The following PPARGC1B variants were observed in gnomAD, a reference collection of about 807,000 sequenced individuals.
PPARGC1B encodes PPARG coactivator 1 beta.
A neutral mutation model predicts 101.6 loss-of-function variants in PPARGC1B; 34 were observed. That is an observed-to-expected ratio of 0.33 (90% CI 0.25 to 0.45). The LOEUF is 0.45. PPARGC1B is among the 20% of genes least tolerant of loss of function. PPARGC1B has a pLI of 1.00. For missense variants in PPARGC1B, 1,234 were observed against 1,317.6 expected (o/e 0.94, Z 0.98); for synonymous variants, 548 against 539.3 (o/e 1.02, Z -0.22).
intron 1 of PPARGC1B, among the ~76,000 whole-genome samples, chr5:149,763,524 T>C (rs1755789097): frequency 7.9e-6 from 1 of 126,202 alleles, no homozygotes; most frequent in Non-Finnish European, 1.6e-5. Context: ...CATTCACTCC[T>C]GGTTTTTTTT....
chr5:149,806,567 A>G (rs1757606682), intron 1 of PPARGC1B, among the ~76,000 whole-genome samples: 1 of 151,188 alleles, frequency 6.6e-6, no homozygotes, highest in Non-Finnish European at 1.5e-5. Context: ...ACACCTCCAG[A>G]TGGAGTGTGT....
At chr5:149,754,604 T>C (rs1027786360) in intron 1 of PPARGC1B, among the ~76,000 whole-genome samples, 2 of 152,090 alleles carry the variant, frequency 1.3e-5, no homozygotes, top group East Asian at 3.9e-4. Flanking sequence ...CCTTAAACTT[T>C]ACAGCCAAGT....
chr5:149,762,300 A>G (rs987559353), intron 1 of PPARGC1B, among the ~76,000 whole-genome samples: 6 of 151,728 alleles, frequency 4.0e-5, no homozygotes, highest in African/African-American at 1.5e-4. Flanking sequence ...AGGCGCCACC[A>G]TGCCCGGCTA....
chr5:149,824,555 G>T (rs1017622314), intron 2 of PPARGC1B, among the ~76,000 whole-genome samples: 2 of 152,212 alleles, frequency 1.3e-5, no homozygotes, highest in Non-Finnish European at 2.9e-5. Flanking sequence ...GCAAGGCATA[G>T]AGGAGGGAAA....
chr5:149,758,186 G>A (rs760224177), intron 1 of PPARGC1B, among the ~76,000 whole-genome samples: 1 of 152,264 alleles, frequency 6.6e-6, no homozygotes, highest in Non-Finnish European at 1.5e-5. Context: ...TGGCCAACTC[G>A]TTGGTGTACT....
At chr5:149,766,379 A>C (rs981265190) in intron 1 of PPARGC1B, among the ~76,000 whole-genome samples, 1 of 152,194 alleles carries the variant, frequency 6.6e-6, no homozygotes, top group Non-Finnish European at 1.5e-5. Flanking sequence ...GTCTTTTTCT[A>C]GGGCAGACAG....
chr5:149,772,617 G>A (rs1756176215), intron 1 of PPARGC1B, among the ~76,000 whole-genome samples: 1 of 152,164 alleles, frequency 6.6e-6, no homozygotes, highest in African/African-American at 2.4e-5. Flanking sequence ...TCTTTGGTCT[G>A]TGTGTGCCTG....
intron 5 of PPARGC1B, among the ~76,000 whole-genome samples, chr5:149,834,243 G>A (rs1758950052): frequency 6.6e-6 from 1 of 152,228 alleles, no homozygotes; most frequent in African/African-American, 2.4e-5. Context: ...CAGATGAACA[G>A]ATTGTCCCTA....
rs1176683019 is a variant in PPARGC1B at position 149,850,596 on chromosome 5, G to A, written c.*3038G>A. On this transcript the variant is annotated 3_prime_UTR_variant, in exon 12 of 12. Transcript: ENST00000309241. ...AACTCCAAGGTCTATTCAGAAAAAC[G>A]AGTGAACCTTGGTCTCTTTCCCACC... 6.6e-6 allele frequency: 1 copy of A among 152,180 alleles called. No individual in the cohort carries two copies. The highest frequency in any genetic ancestry group is 1.5e-5 in the Non-Finnish European group (1 of 68,036). 9.4% of individuals were successfully genotyped at this position (152,180 alleles called of 1,614,324 possible). A position where few individuals can be genotyped will look rare whatever the true frequency, so the allele number is the denominator to read the frequency against.
chr5:149,775,341 C>T (rs566676548), intron 1 of PPARGC1B, among the ~76,000 whole-genome samples: 8 of 152,266 alleles, frequency 5.3e-5, no homozygotes, highest in East Asian at 3.9e-4. Flanking sequence ...GGACAGCTTC[C>T]GTGGCCCTGC....
At chr5:149,775,084 G>A (rs1477079043) in intron 1 of PPARGC1B, among the ~76,000 whole-genome samples, 1 of 152,102 alleles carries the variant, frequency 6.6e-6, no homozygotes. Context: ...GGCAGCTGAG[G>A]GTTGTGTAGG....
chr5:149,807,974 C>T (rs1172229565), intron 1 of PPARGC1B, among the ~76,000 whole-genome samples: 3 of 152,106 alleles, frequency 2.0e-5, no homozygotes, highest in Non-Finnish European at 4.4e-5. Context: ...AAAACTCAGT[C>T]GTCAAGATCA....
chr5:149,783,400 T>G (rs1200510321), intron 1 of PPARGC1B, among the ~76,000 whole-genome samples: 1 of 152,210 alleles, frequency 6.6e-6, no homozygotes, highest in African/African-American at 2.4e-5. Flanking sequence ...GGGGATTCTT[T>G]TGACCTTTTT....
At chr5:149,780,151 C>T (rs1039066272) in intron 1 of PPARGC1B, among the ~76,000 whole-genome samples, 3 of 152,162 alleles carry the variant, frequency 2.0e-5, no homozygotes, top group Non-Finnish European at 4.4e-5. Flanking sequence ...GGGAGACAGA[C>T]GGGAGCAGAG....
Position 149,833,819 on chromosome 5 carries a change from G to A in PPARGC1B, c.1705+41G>A. On this transcript the variant is annotated intron_variant, in intron 5 of 11. Coordinates refer to ENST00000309241, the MANE Select transcript of PPARGC1B (RefSeq NM_133263.4). This position sits in a 1 kb window ranked among gnomAD's most constrained non-coding sequence, Gnocchi z 4.1. ...GGTCTGCGAAGTGGGGGCAGGGATGGGGTGCAGCATGCCCCTCTGCACTGG... is the reference window on the plus strand; with the variant it reads ...GGTCTGCGAAGTGGGGGCAGGGATGAGGTGCAGCATGCCCCTCTGCACTGG... The A allele has an allele frequency of 6.9e-7, 1 of 1,450,198 alleles. No individual in the cohort carries two copies. Among genetic ancestry groups the A allele is most frequent in the Non-Finnish European group, 9.0e-7 (1 of 1,105,554 alleles). 89.8% of individuals were successfully genotyped at this position (1,450,198 alleles called of 1,614,324 possible). A position where few individuals can be genotyped will look rare whatever the true frequency, so the allele number is the denominator to read the frequency against.
chr5:149,820,657 C>T, intron 2 of PPARGC1B, 51 bp downstream of exon 2: 1 of 1,548,566 alleles, frequency 6.5e-7, no homozygotes, highest in South Asian at 1.1e-5. Context: ...CCTCTCTCTC[C>T]TCAAAATCCC....
chr5:149,736,349 A>G (rs1019457232), intron 1 of PPARGC1B, among the ~76,000 whole-genome samples: 1 of 152,028 alleles, frequency 6.6e-6, no homozygotes, highest in Middle Eastern at 3.4e-3. Flanking sequence ...GTATGGAGCT[A>G]ATTTTCATGC....
chr5:149,765,447 C>A (rs577314777), intron 1 of PPARGC1B, among the ~76,000 whole-genome samples: 17 of 152,260 alleles, frequency 1.1e-4, no homozygotes, highest in Middle Eastern at 3.4e-3. Context: ...TAGGTTTACT[C>A]CTAGTCGAGA....
At chr5:149,819,798 C>T (rs566355608) in intron 1 of PPARGC1B, among the ~76,000 whole-genome samples, 5 of 152,338 alleles carry the variant, frequency 3.3e-5, no homozygotes, top group African/African-American at 9.6e-5. Context: ...CCACCATGCC[C>T]GGCCCGTGAT....
Sources: gnomAD v4.1 joint callset for allele counts (sites outside exome capture counted in the v4.1 genomes callset) on GRCh38, gnomAD v4.1.1 for gene constraint, Gnocchi (gnomAD v3.1) non-coding constraint, MANE v1.5 for transcripts, NCBI Gene and HGNC (gene_info 2026-07-23, HGNC 2026-07-21) for gene names.